The following KCNS3 variants were observed in gnomAD, a reference collection of about 807,000 sequenced individuals.
KCNS3 encodes the protein potassium voltage-gated channel modifier subfamily S member 3, also known as delayed-rectifier potassium channel regulatory subunit KCNS3.
Under a neutral mutation model 31.0 loss-of-function variants are expected in KCNS3, and 13 were observed. The ratio of observed to expected loss-of-function variants is 0.42; its 90% CI spans 0.27 to 0.67. The LOEUF (loss-of-function observed/expected upper bound fraction) is 0.67, where lower values mean the gene tolerates loss of function less well. Among genes scored for constraint, KCNS3 ranks in the 30% least tolerant of loss-of-function variants. The pLI is 0.25. For missense variants in KCNS3, 545 were observed against 622.4 expected (o/e 0.88, Z 1.32); for synonymous variants, 238 against 241.5 (o/e 0.99, Z 0.13).
At chr2:17,922,631 G>T (rs1411299129) in intron 2 of KCNS3, among the ~76,000 whole-genome samples, 1 of 152,014 alleles carries the variant, frequency 6.6e-6, no homozygotes, top group African/African-American at 2.4e-5. Context: ...ATCCTCAAAG[G>T]AAACCCAAAT....
At chr2:17,909,980 G>A (rs1221881797) in intron 1 of KCNS3, among the ~76,000 whole-genome samples, 1 of 152,180 alleles carries the variant, frequency 6.6e-6, no homozygotes, top group Non-Finnish European at 1.5e-5. Context: ...TCTAGCTAAA[G>A]GATTCTTAAT....
chr2:17,930,969 T>C lies in KCNS3; in HGVS notation c.-40T>C. ...TTCCAGGTGCAGCCTGATCTTCCTC[T>C]TCTCCCTTGCCAGCCAGCACTCTGC... is the stretch of plus-strand genomic sequence containing the variant. On this transcript the variant is annotated 5_prime_UTR_variant, in exon 3 of 3. Transcript: ENST00000304101. 1 of 1,587,824 alleles carries C rather than the reference T, an allele frequency of 6.3e-7. No homozygotes were observed. The highest frequency in any genetic ancestry group is 8.6e-7 in the Non-Finnish European group (1 of 1,166,604).
At chr2:17,887,498 T>TCTATCTAG (rs1661695059) in intron 1 of KCNS3, among the ~76,000 whole-genome samples, 1 of 151,642 alleles carries the variant, frequency 6.6e-6, no homozygotes, top group Non-Finnish European at 1.5e-5. Flanking sequence ...TATCTATCTA[T>TCTATCTAG]CTATCTATCT....
chr2:17,897,124 A>T (rs1662047688), intron 1 of KCNS3, among the ~76,000 whole-genome samples: 1 of 152,074 alleles, frequency 6.6e-6, no homozygotes, highest in Admixed American at 6.6e-5. Context: ...GCTCCCACTC[A>T]CATAAGTGAG....
At chr2:17,893,940 GTT>G (rs5829612) in intron 1 of KCNS3, among the ~76,000 whole-genome samples, 95 of 98,892 alleles carry the variant, frequency 9.6e-4, no homozygotes, top group Middle Eastern at 0.013. Flanking sequence ...CCAGGAGCCA[GTT>G]TTTTTTTTTT....
At chr2:17,915,030 C>A (rs1662556732) in intron 1 of KCNS3, among the ~76,000 whole-genome samples, 1 of 152,138 alleles carries the variant, frequency 6.6e-6, no homozygotes. Context: ...TGAAAGAGTC[C>A]AATATGCCAC....
At chr2:17,888,629 G>GTATATATATA (rs70964021) in intron 1 of KCNS3, among the ~76,000 whole-genome samples, 19 of 92,352 alleles carry the variant, frequency 2.1e-4, no homozygotes, top group African/African-American at 3.1e-4. Flanking sequence ...TAAAAAAAAT[G>GTATATATATA]TATATATATA....
chr2:17,925,140 A>T (rs910527365), intron 2 of KCNS3, among the ~76,000 whole-genome samples: 1 of 152,154 alleles, frequency 6.6e-6, no homozygotes, highest in East Asian at 1.9e-4. Flanking sequence ...CCCCTCCTCT[A>T]GGCCAACGTC....
Position 17,931,631 on chromosome 2 carries a change from C to T in KCNS3, c.623C>T (p.Ser208Leu), listed in dbSNP as rs368555119. 16 of 1,614,046 alleles carry T rather than the reference C, an allele frequency of 9.9e-6. No individual in the cohort carries two copies. Among genetic ancestry groups the T allele is most frequent in the African/African-American group, 4.0e-5 (3 of 74,914 alleles). ...SIVAMCVHSM[S>L]EFQNEDGEVD... Reference sequence around the variant, plus strand: ...GTGGCCATGTGCGTTCACAGCATGTCGGAGTTCCAGAATGAGGATGGAGAA... The same window carrying T: ...GTGGCCATGTGCGTTCACAGCATGTTGGAGTTCCAGAATGAGGATGGAGAA... Residue 208 changes from serine (S) to leucine (L), a missense_variant, in exon 3 of 3, where the codon TCG becomes TTG. Transcript: ENST00000304101. This position sits in a 1 kb window ranked among gnomAD's most constrained non-coding sequence, Gnocchi z 5.4.
rs553242665 is a variant in KCNS3, at chr2:17,904,447, G to A, written c.-251-13233G>A. ...TGATGGTAGTTTCTTTTGCTGTGCA[G>A]AAGCTCTTTAGTTTAATTAGATCCC... On this transcript the variant is annotated intron_variant, in intron 1 of 2. Coordinates refer to ENST00000304101, the MANE Select transcript of KCNS3 (RefSeq NM_002252.5). Among the ~76,000 whole-genome samples the A allele has an allele frequency of 3.9e-5, 6 of 152,214 alleles. No individual in the cohort carries two copies. In the East Asian group the frequency reaches 1.2e-3, roughly 29 times the overall value.
At position 17,888,804 on chromosome 2, in the gene KCNS3, G is replaced by A. The variant is rs184758159; in HGVS notation, c.-252+9998G>A. On this transcript the variant is annotated intron_variant, in intron 1 of 2. Transcript: ENST00000304101. The stretch of plus-strand genomic sequence containing the variant: ...TGGTCCATGTGCCTGTTTTTATACC[G>A]GTACCATGCTGTTTGGTGACTATGG... Among the ~76,000 whole-genome samples, 11 of 151,060 alleles carry A rather than the reference G, an allele frequency of 7.3e-5. No homozygotes were observed. In the South Asian group the frequency reaches 8.4e-4, roughly 12 times the overall value.
intron 1 of KCNS3, among the ~76,000 whole-genome samples, chr2:17,916,761 A>G (rs1379468935): frequency 6.6e-6 from 1 of 151,482 alleles, no homozygotes; most frequent in Non-Finnish European, 1.5e-5. Context: ...CCCAGTGCCT[A>G]AGATAATGCC....
chr2:17,925,119 A>G (rs908010176), intron 2 of KCNS3, among the ~76,000 whole-genome samples: 4 of 152,182 alleles, frequency 2.6e-5, no homozygotes, highest in South Asian at 4.1e-4. Flanking sequence ...CCTCTTGACT[A>G]TCTGAATGGA....
intron 1 of KCNS3, among the ~76,000 whole-genome samples, chr2:17,889,597 G>A (rs1407214464): frequency 6.6e-6 from 1 of 152,140 alleles, no homozygotes. Context: ...ATTAAGGTAT[G>A]TCCCTTGTAT....
At chr2:17,926,349 G>A (rs1394585633) in intron 2 of KCNS3, among the ~76,000 whole-genome samples, 2 of 152,206 alleles carry the variant, frequency 1.3e-5, no homozygotes, top group Non-Finnish European at 2.9e-5. Context: ...GGGTCAGGAG[G>A]ACAGTGGGTG....
chr2:17,906,970 T>C (rs974412889), intron 1 of KCNS3, among the ~76,000 whole-genome samples: 3 of 152,218 alleles, frequency 2.0e-5, no homozygotes, highest in Non-Finnish European at 4.4e-5. Flanking sequence ...AGATGTCTAT[T>C]GGGTCTGCTT....
At chr2:17,888,321 A>G (rs184801749) in intron 1 of KCNS3, among the ~76,000 whole-genome samples, 72 of 152,064 alleles carry the variant, frequency 4.7e-4, no homozygotes, top group Admixed American at 4.6e-3. Context: ...TTCCAATGCT[A>G]TCTTCTAGAA....
chr2:17,904,361 C>A (rs978628872), intron 1 of KCNS3, among the ~76,000 whole-genome samples: 12 of 152,106 alleles, frequency 7.9e-5, no homozygotes, highest in African/African-American at 2.9e-4. Flanking sequence ...GGATATTAGC[C>A]CTTTGTCAGA....
rs1251364277 is a variant in KCNS3 at position 17,879,890 on chromosome 2, C to A, written c.-252+1084C>A. The stretch of plus-strand genomic sequence containing the variant: ...CCAAGGCGTGAAGTGGGGGGAGGGG[C>A]GGTAGGTGTTCCTTACGTTCCTGCC... On this transcript the variant is annotated intron_variant, in intron 1 of 2. Coordinates refer to ENST00000304101, the MANE Select transcript of KCNS3 (RefSeq NM_002252.5). Among the ~76,000 whole-genome samples, 3 of 152,136 alleles carry A rather than the reference C, an allele frequency of 2.0e-5. No individual in the cohort carries two copies. In the East Asian group the frequency reaches 5.8e-4, roughly 29 times the overall value.
Sources: allele counts gnomAD v4.1 joint callset (sites outside exome capture counted in the v4.1 genomes callset), GRCh38; gene constraint gnomAD v4.1.1; non-coding constraint Gnocchi (gnomAD v3.1); transcripts MANE v1.5; gene names NCBI Gene and HGNC (gene_info 2026-07-23, HGNC 2026-07-21).